The following DNAH14 variants were observed in gnomAD, a reference collection of about 807,000 sequenced individuals.
DNAH14 encodes dynein axonemal heavy chain 14.
A neutral mutation model predicts 520.9 loss-of-function variants in DNAH14; 478 were observed. The observed-to-expected ratio is 0.92, with a 90% CI of 0.85 to 0.99. The LOEUF (loss-of-function observed/expected upper bound fraction) is 0.99, where lower values mean the gene tolerates loss of function less well. DNAH14 is among the 50% of genes least tolerant of loss of function. DNAH14 has a pLI of 0.00. For missense variants in DNAH14, 4,831 were observed against 5,234.5 expected (o/e 0.92, Z 2.38); for synonymous variants, 1,581 against 1,757.2 (o/e 0.90, Z 2.51).
chr1:225,210,719 A>G (rs1035380643), intron 41 of DNAH14, among the ~76,000 whole-genome samples: 9 of 152,154 alleles, frequency 5.9e-5, no homozygotes, highest in Non-Finnish European at 1.2e-4. Flanking sequence ...TAAACCTCCC[A>G]GCAGGGGCCA....
At chr1:225,210,198 A>C (rs187408360) in intron 41 of DNAH14, among the ~76,000 whole-genome samples, 1 of 152,160 alleles carries the variant, frequency 6.6e-6, no homozygotes, top group East Asian at 1.9e-4. Flanking sequence ...GAAACCAGAA[A>C]GCCACGTGGT....
In DNAH14 at chr1:225,345,979, G is replaced by T; in HGVS notation, c.10696G>T (p.Asp3566Tyr). 6.5e-7 allele frequency: 1 copy of T among 1,549,702 alleles called. No individual in the cohort carries two copies. Among genetic ancestry groups the T allele is most frequent in the South Asian group, 1.2e-5 (1 of 83,882 alleles). ...GTCTTTAGGATCCATATTAGATGAT[G>T]ACAAAATTGTAGATACCTTAAGAAA... ...QKALGSILDDDKIVDTLRKSK... is the reference protein window; with the variant it reads ...QKALGSILDDYKIVDTLRKSK... Residue 3566 changes from aspartate (D) to tyrosine (Y), a missense_variant, in exon 70 of 86, where the codon GAC becomes TAC. Transcript: ENST00000682510.
chr1:225,081,085 T>C (rs1326256920), intron 19 of DNAH14, among the ~76,000 whole-genome samples: 1 of 152,240 alleles, frequency 6.6e-6, no homozygotes, highest in East Asian at 1.9e-4. Flanking sequence ...AATCATTCAT[T>C]ATCTTTTGGG....
At chr1:225,334,299 T>C (rs953811507) in intron 66 of DNAH14, among the ~76,000 whole-genome samples, 4 of 151,972 alleles carry the variant, frequency 2.6e-5, no homozygotes, top group African/African-American at 9.7e-5. Context: ...TTAGCCAACC[T>C]GGACAATGTA....
chr1:225,092,397 A>G lies in DNAH14; in HGVS notation c.3574-4721A>G, dbSNP rs144663096. 1.9e-3 allele frequency among the ~76,000 whole-genome samples: 287 copies of G among 152,324 alleles called. 1 individual carries two copies. Among genetic ancestry groups the G allele is most frequent in the African/African-American group, 6.6e-3 (275 of 41,584 alleles). On this transcript the variant is annotated intron_variant, in intron 21 of 85. Coordinates refer to ENST00000682510, the MANE Select transcript of DNAH14 (RefSeq NM_001367479.1). ...GAAAATTTCTCAAAACCATACAATT[A>G]CATGGAAATTGAATAACCTGATCCT... is the stretch of plus-strand genomic sequence containing the variant.
intron 78 of DNAH14, 72 bp downstream of exon 78, chr1:225,374,957 C>A: frequency 7.7e-7 from 1 of 1,303,324 alleles, no homozygotes; most frequent in Non-Finnish European, 1.0e-6. Flanking sequence ...ATTTAAAATA[C>A]ATATTTAAAT....
intron 56 of DNAH14, 145 bp from the exon 57 acceptor site, chr1:225,303,011 G>T (rs1012432401): frequency 1.1e-5 from 7 of 610,114 alleles, no homozygotes; most frequent in African/African-American, 1.1e-4. Context: ...TCTGTTTATG[G>T]CAGGCACTCC....
chr1:225,168,442 A>C (rs1054982595), intron 36 of DNAH14, among the ~76,000 whole-genome samples: 7 of 152,084 alleles, frequency 4.6e-5, no homozygotes, highest in African/African-American at 1.4e-4. Context: ...AAATCAGGTC[A>C]CTCCCACCCT....
chr1:225,134,286 G>A (rs908411854), intron 27 of DNAH14, among the ~76,000 whole-genome samples: 5 of 152,258 alleles, frequency 3.3e-5, no homozygotes, highest in Non-Finnish European at 4.4e-5. Flanking sequence ...GTGAGAGAGG[G>A]CATCCTTGTT....
At chr1:225,223,175 A>G (rs2654906) in intron 41 of DNAH14, among the ~76,000 whole-genome samples, 47,878 of 152,056 alleles carry the variant, frequency 0.31, 8,724 homozygotes, top group East Asian at 0.61. Context: ...TAGGCAAGCG[A>G]CATTAGAAGG....
intron 44 of DNAH14, among the ~76,000 whole-genome samples, 178 bp downstream of exon 44, chr1:225,252,595 T>C (rs889521796): frequency 6.6e-6 from 1 of 152,172 alleles, no homozygotes; most frequent in African/African-American, 2.4e-5. Context: ...TTTAAAAACA[T>C]AACCTTTGAA....
At chr1:225,347,798 C>T (rs770206646) in intron 71 of DNAH14, among the ~76,000 whole-genome samples, 2 of 152,028 alleles carry the variant, frequency 1.3e-5, no homozygotes, top group Non-Finnish European at 1.5e-5. Flanking sequence ...AAAAAAGATA[C>T]ATAAGGCAAA....
At chr1:225,185,560 C>A in intron 37 of DNAH14, 135 bp downstream of exon 37, 3 of 901,384 alleles carry the variant, frequency 3.3e-6, no homozygotes, top group Non-Finnish European at 3.1e-6. Flanking sequence ...AGTTAAGAAT[C>A]ATAATGAGTG....
rs1224565602 is a variant in DNAH14 at position 225,335,813 on chromosome 1, ATG to A, written c.10081-1451_10081-1450del. 1.8e-4 allele frequency among the ~76,000 whole-genome samples: 24 copies of A among 133,954 alleles called. 3 individuals are homozygous for A. Among genetic ancestry groups the A allele is most frequent in the South Asian group, 4.8e-4 (2 of 4,152 alleles). The allele number at this position is 133,954 out of a possible 152,430, so 87.9% of individuals were successfully genotyped here. On this transcript the variant is annotated intron_variant, in intron 66 of 85. Transcript: ENST00000682510. The stretch of plus-strand genomic sequence containing the variant: ...AGTACATCTATGTATATGTACATAT[ATG>A]TACATACACATATGTACATATATGT...
At chr1:225,238,045 C>A (rs192737557) in intron 42 of DNAH14, among the ~76,000 whole-genome samples, 1 of 152,242 alleles carries the variant, frequency 6.6e-6, no homozygotes, top group Admixed American at 6.5e-5. Flanking sequence ...AGCTTCTTTG[C>A]ATTGGGTTAC....
At chr1:225,119,181 A>G in intron 25 of DNAH14, 39 bp from the exon 26 acceptor site, 1 of 1,416,506 alleles carries the variant, frequency 7.1e-7, no homozygotes, top group Non-Finnish European at 9.5e-7. Flanking sequence ...TGAATTAAAA[A>G]ATAATTCTTC....
chr1:225,357,813 C>T (rs1347076968), intron 73 of DNAH14: 1 of 702,146 alleles, frequency 1.4e-6, no homozygotes, highest in Non-Finnish European at 2.6e-6. Flanking sequence ...ATGATGGAGT[C>T]CCAGATGTTG....
intron 7 of DNAH14, among the ~76,000 whole-genome samples, chr1:224,971,445 C>T (rs906033594): frequency 6.6e-6 from 1 of 151,970 alleles, no homozygotes; most frequent in Non-Finnish European, 1.5e-5. Context: ...TTTTGTTTCA[C>T]TGGTGTAAGA....
At chr1:225,378,879 C>CAAAAAA (rs113657495) in intron 79 of DNAH14, among the ~76,000 whole-genome samples, 2 of 135,380 alleles carry the variant, frequency 1.5e-5, no homozygotes, top group Admixed American at 7.5e-5. Flanking sequence ...AACTCCGTCC[C>CAAAAAA]AAAAAAAAAA....
Sources: gnomAD v4.1 joint callset for allele counts (sites outside exome capture counted in the v4.1 genomes callset) on GRCh38, gnomAD v4.1.1 for gene constraint, MANE v1.5 for transcripts, NCBI Gene and HGNC (gene_info 2026-07-23, HGNC 2026-07-21) for gene names.